DNAJA1: variants seen among roughly 807,000 people sequenced by gnomAD.
DNAJA1 encodes the protein DnaJ heat shock protein family (Hsp40) member A1, also known as dnaJ homolog subfamily A member 1.
A neutral mutation model predicts 47.6 loss-of-function variants in DNAJA1; 26 were observed. The observed-to-expected ratio is 0.55, with a 90% confidence interval of 0.40 to 0.76. DNAJA1 has a LOEUF of 0.76. DNAJA1 is among the 30% of genes least tolerant of loss of function. The probability of loss-of-function intolerance (pLI) is 0.00; values close to 1 mark genes in which losing one functional copy is unlikely to be tolerated. For synonymous variants in DNAJA1, 165 were observed against 158.4 expected (o/e 1.04, Z -0.31); for missense variants, 315 against 485.0 (o/e 0.65, Z 3.29).
At position 33,034,454 on chromosome 9, in the gene DNAJA1, T is replaced by C. The variant is rs16918957; in HGVS notation, c.758+124T>C. The C allele has an allele frequency of 0.014, 9,747 of 704,964 alleles. 590 individuals carry two copies. The African/African-American group carries it at 0.15, about 11-fold the overall frequency. The allele number at this position is 704,964 out of a possible 1,614,324, so 43.7% of individuals were successfully genotyped here. On this transcript the variant is annotated intron_variant, in intron 6 of 8. Coordinates refer to ENST00000330899, the MANE Select transcript of DNAJA1 (RefSeq NM_001539.4). The stretch of plus-strand genomic sequence containing the variant: ...CTTAGAACCTATTTCTCAGGAAGAT[T>C]GTTAACCATTGTTCAGATCATAAGA...
intron 6 of DNAJA1, among the ~76,000 whole-genome samples, chr9:33,035,534 A>T (rs543481566): frequency 3.3e-5 from 5 of 152,016 alleles, no homozygotes; most frequent in African/African-American, 1.2e-4. Flanking sequence ...CGATGGTGAG[A>T]TCTTGGCTCA....
chr9:33,037,292 G>T, intron 8 of DNAJA1, 177 bp downstream of exon 8: 54 of 359,352 alleles, frequency 1.5e-4, no homozygotes, highest in Non-Finnish European at 1.9e-4. Context: ...GGGCAACATA[G>T]TGAAACCCTG....
At chr9:33,036,177 T>TAAAAA (rs1264209767) in intron 6 of DNAJA1, 3 of 153,200 alleles carry the variant, frequency 2.0e-5, no homozygotes, top group Non-Finnish European at 4.4e-5. Context: ...CTTCAGACCT[T>TAAAAA]AGGTGATCCA....
chr9:33,033,749 G>A lies in DNAJA1; in HGVS notation c.644-467G>A, dbSNP rs1838996347. On this transcript the variant is annotated intron_variant, in intron 5 of 8. Coordinates refer to ENST00000330899, the MANE Select transcript of DNAJA1 (RefSeq NM_001539.4). ...TTATATATAAATACTACAATAGAAG[G>A]GTCTTGATTTACATTGCTGTTAGAC... Among the ~76,000 whole-genome samples the A allele has an allele frequency of 4.6e-5, 7 of 152,006 alleles. No homozygotes were observed. In the South Asian group the frequency reaches 1.2e-3, roughly 27 times the overall value.
intron 5 of DNAJA1, among the ~76,000 whole-genome samples, chr9:33,030,990 A>G (rs761297483): frequency 1.3e-5 from 2 of 152,236 alleles, no homozygotes; most frequent in Non-Finnish European, 2.9e-5. Context: ...ATCTTTTAAA[A>G]CATTAGAATT....
At chr9:33,027,093 T>G in intron 3 of DNAJA1, 103 bp downstream of exon 3, 1 of 1,401,308 alleles carries the variant, frequency 7.1e-7, no homozygotes, top group Non-Finnish European at 9.8e-7. Flanking sequence ...CATGTTGGTA[T>G]AATGTTGCAA....
At chr9:33,029,057 G>A (rs1406870761) in intron 3 of DNAJA1, among the ~76,000 whole-genome samples, 1 of 152,194 alleles carries the variant, frequency 6.6e-6, no homozygotes, top group Admixed American at 6.5e-5. Flanking sequence ...GTGTCCTTAT[G>A]AGATCTTGAC....
rs763191340 is a variant in DNAJA1, at chr9:33,030,417, TTTAA to T, written c.416-20_416-17del. The T allele has an allele frequency of 8.2e-6, 13 of 1,591,994 alleles. No individual in the cohort carries two copies. Among genetic ancestry groups the T allele is most frequent in the Middle Eastern group, 2.3e-4 (1 of 4,442 alleles). On this transcript the variant is annotated intron_variant, in intron 4 of 8. Transcript: ENST00000330899. The stretch of plus-strand genomic sequence containing the variant: ...GTATACACTACTAATTCATACATTA[TTTAA>T]TTTTCTTTTTAAATTTAGGTAGAGG...
At position 33,026,457 on chromosome 9, in the gene DNAJA1, T is replaced by TG. The variant is rs796486604; in HGVS notation, c.-10-17dup. Reference sequence around the variant, plus strand: ...CTACCAGTTGAAAGCCGGTTAAAGTTGCATTTTCTTATTTCAGGCAGTAGA... The same window carrying TG: ...CTACCAGTTGAAAGCCGGTTAAAGTTGGCATTTTCTTATTTCAGGCAGTAGA... On this transcript the variant is annotated splice_polypyrimidine_tract_variant and intron_variant, in intron 1 of 8. Transcript: ENST00000330899. 3 of 1,595,002 alleles carry TG rather than the reference T, an allele frequency of 1.9e-6. No homozygotes were observed. Among genetic ancestry groups the TG allele is most frequent in the Non-Finnish European group, 2.6e-6 (3 of 1,175,200 alleles).
chr9:33,026,847 C>T lies in DNAJA1; in HGVS notation c.167C>T (p.Ser56Phe), dbSNP rs1001411440. The change falls in exon 3 of 9, where the codon TCT becomes TTT. Residue 56 changes from serine to phenylalanine, a missense_variant. Physicochemically the swap from Ser to Phe is radical, Grantham distance 155. Transcript: ENST00000330899. ...KQISQAYEVL[S>F]DAKKRELYDK... ...ATTTCTCAAGCTTACGAAGTTCTCT[C>T]TGATGCAAAGAAAAGGGAATTATAT... 5.6e-6 allele frequency: 9 copies of T among 1,613,944 alleles called. No homozygotes were observed. The highest frequency in any genetic ancestry group is 1.1e-5 in the South Asian group (1 of 91,082).
rs74178844 is a variant in DNAJA1, at chr9:33,039,561, A to ATAT, written c.*658_*659insTAT. ...CATATATATATACATATATATATAT[A>ATAT]ATCTTGACCAGTCCTGGTCATTTGC... is the stretch of plus-strand genomic sequence containing the variant. On this transcript the variant is annotated 3_prime_UTR_variant, in exon 9 of 9. Transcript: ENST00000330899. The ATAT allele has an allele frequency of 1.5e-4, 22 of 141,980 alleles. No individual in the cohort carries two copies. The highest frequency in any genetic ancestry group is 2.2e-4 in the Non-Finnish European group (14 of 62,808). The allele number at this position is 141,980 out of a possible 1,614,324, so 8.8% of individuals were successfully genotyped here.
At chr9:33,029,687 T>C (rs1838930460) in intron 3 of DNAJA1, among the ~76,000 whole-genome samples, 198 bp from the exon 4 acceptor site, 1 of 152,240 alleles carries the variant, frequency 6.6e-6, no homozygotes, top group East Asian at 1.9e-4. Context: ...GACCTGATTT[T>C]CCCTCATCTG....
At chr9:33,030,176 A>T (rs151173710) in intron 4 of DNAJA1, among the ~76,000 whole-genome samples, 187 bp downstream of exon 4, 3,102 of 152,240 alleles carry the variant, frequency 0.02, 67 homozygotes, top group Admixed American at 0.057. Context: ...AAATATCAGC[A>T]CTTTTTTCTG....
intron 5 of DNAJA1, among the ~76,000 whole-genome samples, chr9:33,031,287 G>A (rs1838957440): frequency 6.6e-6 from 1 of 152,102 alleles, no homozygotes; most frequent in African/African-American, 2.4e-5. Flanking sequence ...TAGTAGAGAC[G>A]GGGTTTCACC....
At chr9:33,030,045 C>A in intron 4 of DNAJA1, 56 bp downstream of exon 4, 1 of 1,483,544 alleles carries the variant, frequency 6.7e-7, no homozygotes, top group Admixed American at 1.8e-5. Flanking sequence ...TAATATGACA[C>A]CTGAAAATGG....
At chr9:33,030,819 T>A (rs1247691779) in intron 5 of DNAJA1, 152 bp downstream of exon 5, 1 of 716,918 alleles carries the variant, frequency 1.4e-6, no homozygotes, top group Non-Finnish European at 2.2e-6. Flanking sequence ...TAATGTTCTT[T>A]TATCCAGACA....
At chr9:33,025,637 C>G (rs930471325) in intron 1 of DNAJA1, among the ~76,000 whole-genome samples, 1 of 152,188 alleles carries the variant, frequency 6.6e-6, no homozygotes, top group African/African-American at 2.4e-5. Context: ...GAGCTACTGT[C>G]TTCGGCTGCC....
intron 5 of DNAJA1, among the ~76,000 whole-genome samples, chr9:33,033,033 GAGA>G (rs1345714728): frequency 0.011 from 1,675 of 152,172 alleles, 33 homozygotes; most frequent in African/African-American, 0.038. Flanking sequence ...AAATAATCAG[GAGA>G]TAACTGCTTT....
At chr9:33,029,068 C>G (rs1268945039) in intron 3 of DNAJA1, among the ~76,000 whole-genome samples, 1 of 152,168 alleles carries the variant, frequency 6.6e-6, no homozygotes, top group South Asian at 2.1e-4. Flanking sequence ...AGATCTTGAC[C>G]TTCCATTTCC....
Sources: allele counts gnomAD v4.1 joint callset (sites outside exome capture counted in the v4.1 genomes callset), GRCh38; gene constraint gnomAD v4.1.1; transcripts MANE v1.5; gene names NCBI Gene and HGNC (gene_info 2026-07-23, HGNC 2026-07-21).